The following UBE2K variants were observed in gnomAD, a reference collection of about 807,000 sequenced individuals.
UBE2K encodes ubiquitin conjugating enzyme E2 K.
A neutral mutation model predicts 30.0 loss-of-function variants in UBE2K; 6 were observed. That is an observed-to-expected ratio of 0.20 (90% CI 0.11 to 0.39). UBE2K has a LOEUF of 0.39. Ranked by LOEUF, UBE2K falls within the 10% of genes least tolerant of loss-of-function variation. The probability of loss-of-function intolerance (pLI) is 1.00; values close to 1 mark genes in which losing one functional copy is unlikely to be tolerated. For synonymous variants in UBE2K, 86 were observed against 83.7 expected (o/e 1.03, Z -0.15); for missense variants, 61 against 241.6 (o/e 0.25, Z 4.96).
At chr4:39,712,195 CTTTTTTTTT>C (rs34711359) in intron 1 of UBE2K, among the ~76,000 whole-genome samples, 9 of 58,310 alleles carry the variant, frequency 1.5e-4, no homozygotes, top group African/African-American at 6.9e-4. Flanking sequence ...CACCGACAAC[CTTTTTTTTT>C]TTTTTTTTTT....
intron 4 of UBE2K, among the ~76,000 whole-genome samples, chr4:39,765,355 C>T (rs1291216457): frequency 2.6e-5 from 4 of 151,772 alleles, no homozygotes; most frequent in Non-Finnish European, 5.9e-5. Context: ...GAAACTCCAT[C>T]TCTACAAAAA....
intron 4 of UBE2K, among the ~76,000 whole-genome samples, chr4:39,767,674 T>G (rs1712437695): frequency 6.6e-6 from 1 of 152,154 alleles, no homozygotes; most frequent in South Asian, 2.1e-4. Context: ...GAGATATATG[T>G]TAGACTACCT....
intron 1 of UBE2K, 47 bp from the exon 2 acceptor site, chr4:39,737,373 T>G (rs1327556761): frequency 3.1e-6 from 4 of 1,270,652 alleles, no homozygotes; most frequent in Non-Finnish European, 4.3e-6. Context: ...ACTTTAGGCG[T>G]TTTTCTTGCT....
chr4:39,755,585 C>G (rs1721485363), intron 3 of UBE2K, 72 bp from the exon 4 acceptor site: 5 of 1,149,324 alleles, frequency 4.4e-6, no homozygotes, highest in Middle Eastern at 2.3e-4. Flanking sequence ...TTGAAGATTT[C>G]ATTTTCTTGT....
intron 1 of UBE2K, among the ~76,000 whole-genome samples, chr4:39,721,528 A>G (rs559978066): frequency 2.0e-5 from 3 of 150,018 alleles, no homozygotes; most frequent in South Asian, 2.1e-4. Context: ...TAATTTTCAT[A>G]TTTTTTTTTG....
chr4:39,703,946 A>G (rs1718182322), intron 1 of UBE2K, among the ~76,000 whole-genome samples: 1 of 152,066 alleles, frequency 6.6e-6, no homozygotes, highest in South Asian at 2.1e-4. Context: ...AAGACAAAAA[A>G]TATATACTGG....
intron 4 of UBE2K, among the ~76,000 whole-genome samples, chr4:39,766,298 T>G (rs533136452): frequency 1.3e-5 from 2 of 152,262 alleles, no homozygotes; most frequent in South Asian, 4.1e-4. Flanking sequence ...TGGCTAACAA[T>G]TACCATTTTT....
intron 2 of UBE2K, among the ~76,000 whole-genome samples, chr4:39,744,456 G>A (rs1464136211): frequency 6.6e-6 from 1 of 151,856 alleles, no homozygotes; most frequent in Non-Finnish European, 1.5e-5. Context: ...ACAGGCATGA[G>A]CCACCGCGCC....
At chr4:39,733,088 C>T (rs1431545292) in intron 1 of UBE2K, among the ~76,000 whole-genome samples, 2 of 150,290 alleles carry the variant, frequency 1.3e-5, no homozygotes, top group African/African-American at 2.5e-5. Context: ...CCAGAGGTCC[C>T]GCTATGTGTT....
chr4:39,705,665 TGA>T (rs1718314159), intron 1 of UBE2K, among the ~76,000 whole-genome samples: 2 of 152,106 alleles, frequency 1.3e-5, no homozygotes, highest in South Asian at 4.1e-4. Context: ...GGTATCTGCA[TGA>T]GAGAGATTCC....
chr4:39,774,972 T>C (rs1168178677), intron 5 of UBE2K, 39 bp downstream of exon 5: 3 of 1,405,626 alleles, frequency 2.1e-6, no homozygotes, highest in Admixed American at 1.9e-5. Context: ...TTATATTATG[T>C]ATGAGTCTCT....
chr4:39,766,879 G>A (rs750320176), intron 4 of UBE2K, among the ~76,000 whole-genome samples: 4 of 151,978 alleles, frequency 2.6e-5, no homozygotes, highest in African/African-American at 4.8e-5. Flanking sequence ...AGCTTCCCAC[G>A]TAGCTGGGAT....
Position 39,777,707 on chromosome 4 carries a change from A to G in UBE2K, c.425A>G (p.Lys142Arg), listed in dbSNP as rs1332929466. 3 of 1,565,136 alleles carry G rather than the reference A, an allele frequency of 1.9e-6. No homozygotes were observed. Among genetic ancestry groups the G allele is most frequent in the Non-Finnish European group, 2.6e-6 (3 of 1,164,528 alleles). ...NQYKQNPEMFKQTARLWAHVY... is the reference protein window; with the variant it reads ...NQYKQNPEMFRQTARLWAHVY... ...TACAAACAAAATCCCGAAATGTTCAAACAGACAGCTCGACTTTGGGCACAT... is the reference window on the plus strand; with the variant it reads ...TACAAACAAAATCCCGAAATGTTCAGACAGACAGCTCGACTTTGGGCACAT... Residue 142 changes from lysine (K) to arginine (R), a missense_variant, in exon 6 of 7, where the codon AAA becomes AGA. Transcript: ENST00000261427.
chr4:39,744,015 A>G (rs1720851050), intron 2 of UBE2K, among the ~76,000 whole-genome samples: 2 of 152,130 alleles, frequency 1.3e-5, no homozygotes, highest in Admixed American at 1.3e-4. Context: ...GGCACATGCC[A>G]CAATACCCGG....
intron 4 of UBE2K, among the ~76,000 whole-genome samples, chr4:39,768,766 G>C (rs115917267): frequency 1.3e-5 from 2 of 152,154 alleles, no homozygotes; most frequent in Non-Finnish European, 2.9e-5. Context: ...GTGTGCGAGG[G>C]TTTCCTTTCC....
intron 3 of UBE2K, among the ~76,000 whole-genome samples, chr4:39,752,349 T>C (rs1721311188): frequency 7.5e-6 from 1 of 133,606 alleles, no homozygotes; most frequent in East Asian, 2.3e-4. Context: ...TTTTTTTTTT[T>C]TTTTTGAGAC....
chr4:39,728,804 A>T (rs1387297326), intron 1 of UBE2K, among the ~76,000 whole-genome samples: 2 of 143,388 alleles, frequency 1.4e-5, no homozygotes, highest in South Asian at 2.3e-4. Context: ...ACGCCCGGCT[A>T]GTAGGTTTTT....
chr4:39,770,787 A>G lies in UBE2K; in HGVS notation c.300-4047A>G, dbSNP rs1712747170. On this transcript the variant is annotated intron_variant, in intron 4 of 6. Coordinates refer to ENST00000261427, the MANE Select transcript of UBE2K (RefSeq NM_005339.5). ...TCCAGGGGGCTTGAGCCGGTGTGCGATGTCCAGGGCCGACTCCACCTTGAC... is the reference window on the plus strand; with the variant it reads ...TCCAGGGGGCTTGAGCCGGTGTGCGGTGTCCAGGGCCGACTCCACCTTGAC... The G allele has an allele frequency of 9.5e-6, 15 of 1,578,838 alleles. No homozygotes were observed. In the South Asian group the frequency reaches 1.0e-4, roughly 11 times the overall value.
intron 3 of UBE2K, among the ~76,000 whole-genome samples, chr4:39,751,891 C>T (rs116661139): frequency 0.011 from 1,656 of 152,070 alleles, 37 homozygotes; most frequent in African/African-American, 0.037. Context: ...CACTTCGGCC[C>T]GGGAGACAGA....
Sources: gnomAD v4.1 joint callset for allele counts (sites outside exome capture counted in the v4.1 genomes callset) on GRCh38, gnomAD v4.1.1 for gene constraint, MANE v1.5 for transcripts, NCBI Gene and HGNC (gene_info 2026-07-23, HGNC 2026-07-21) for gene names.